Variants in OTOF observed in about 807,000 individuals in gnomAD.
The protein encoded by OTOF is fer-1-like family member 2.
OTOF carries 218 observed loss-of-function variants against 236.8 expected under a neutral mutation model. The ratio of observed to expected loss-of-function variants is 0.92; its 90% CI spans 0.82 to 1.03. OTOF has a LOEUF of 1.03. Ranked by LOEUF, OTOF falls within the 50% of genes least tolerant of loss-of-function variation. The probability of loss-of-function intolerance (pLI) is 0.00; values close to 1 mark genes in which losing one functional copy is unlikely to be tolerated. For missense variants in OTOF, 2,590 were observed against 2,694.4 expected (o/e 0.96, Z 0.86); for synonymous variants, 1,041 against 1,072.5 (o/e 0.97, Z 0.57).
rs11687696 is a variant in OTOF, at chr2:26,516,555, T to C, written c.372A>G (p.Thr124=). 462,346 of 1,611,062 alleles carry C rather than the reference T, an allele frequency of 0.29. 70,420 individuals carry two copies. Among genetic ancestry groups the C allele is most frequent in the East Asian group, 0.47 (21,222 of 44,844 alleles). ...VEVRYQATDG[T]VGSWDDGDFL... is the part of the protein sequence containing the mutation. ...AGTCCCCATCGTCCCAGGAGCCCACTGTGCCGTCAGTGGCCTGATACCGGA... is the reference window on the plus strand; with the variant it reads ...AGTCCCCATCGTCCCAGGAGCCCACCGTGCCGTCAGTGGCCTGATACCGGA... The change falls in exon 5 of 47, where the codon ACA becomes ACG. Residue 124 remains threonine (T), a synonymous_variant. Coordinates refer to ENST00000272371, the MANE Select transcript of OTOF (RefSeq NM_194248.3).
intron 11 of OTOF, 77 bp from the exon 12 acceptor site, chr2:26,484,710 G>T: frequency 6.6e-7 from 1 of 1,507,574 alleles, no homozygotes; most frequent in Non-Finnish European, 9.1e-7. Flanking sequence ...CAGGCCAAGG[G>T]GTGGCAGAAC....
At position 26,479,307 on chromosome 2, in the gene OTOF, C is replaced by T. The variant is rs550283736; in HGVS notation, c.2171G>A (p.Arg724His). The T allele has an allele frequency of 5.1e-5, 82 of 1,612,066 alleles. 1 individual carries two copies. Among genetic ancestry groups the T allele is most frequent in the Non-Finnish European group, 5.5e-5 (65 of 1,179,786 alleles). The change falls in exon 18 of 47, where the codon CGC (arginine) becomes CAC (histidine). Residue 724 changes from arginine to histidine, a missense_variant. By Grantham distance (29) the Arg-to-His change is conservative. Transcript: ENST00000272371. ...IKSWWPDQRR[R>H]LYNANIMDHI... Reference sequence around the variant, plus strand: ...GTCCATGATGTTGGCATTGTAGAGGCGGCGGCGCTGGTCCGGCCACCAGCT... The same window carrying T: ...GTCCATGATGTTGGCATTGTAGAGGTGGCGGCGCTGGTCCGGCCACCAGCT...
chr2:26,537,258 G>A (rs1667093424), intron 2 of OTOF, among the ~76,000 whole-genome samples: 2 of 152,182 alleles, frequency 1.3e-5, no homozygotes, highest in Admixed American at 6.5e-5. Context: ...ATGTTTCCCT[G>A]GTGACTGGGG....
chr2:26,462,123 A>C lies in OTOF; in HGVS notation c.5251T>G (p.Phe1751Val), dbSNP rs1664495274. Reference protein sequence around the residue: ...TDEVVLEDDDFFTGEKSSDIF... With the variant: ...TDEVVLEDDDVFTGEKSSDIF... ...TCACTGGACTTCTCCCCTGTGAAGAAGTCGTCGTCCTCCAAGACCACCTCA... is the reference window on the plus strand; with the variant it reads ...TCACTGGACTTCTCCCCTGTGAAGACGTCGTCGTCCTCCAAGACCACCTCA... The change falls in exon 42 of 47, where the codon TTC (phenylalanine) becomes GTC (valine). Residue 1751 changes from phenylalanine to valine, a missense_variant. Physicochemically the swap from Phe to Val is conservative, Grantham distance 50. This residue lies in a region of OTOF where 1,211 missense variants were observed against 1,352.8 expected (regional missense o/e 0.90). Coordinates refer to ENST00000272371, the MANE Select transcript of OTOF (RefSeq NM_194248.3). The surrounding 1 kb of genome is among the most constrained non-coding windows in gnomAD (Gnocchi z 4.7). 1 of 1,614,030 alleles carries C rather than the reference A, an allele frequency of 6.2e-7. No individual in the cohort carries two copies.
At chr2:26,464,727 T>C in intron 39 of OTOF, 142 bp downstream of exon 39, 1 of 758,172 alleles carries the variant, frequency 1.3e-6, no homozygotes, top group Non-Finnish European at 2.0e-6. Flanking sequence ...TCTGGGGTGA[T>C]GAGCAGAGGG....
At chr2:26,525,951 G>A (rs1432866051) in intron 3 of OTOF, among the ~76,000 whole-genome samples, 4 of 152,048 alleles carry the variant, frequency 2.6e-5, no homozygotes, top group Non-Finnish European at 5.9e-5. Context: ...GCTGGGCACG[G>A]TGGTGAGCAC....
At position 26,467,355 on chromosome 2, in the gene OTOF, AG is replaced by A. The variant is rs749027111; in HGVS notation, c.4227+9del. ...ACACACCCTAGAAGGGTCTGCTCCT[AG>A]GCTCTCACCTTAAGCTCATCAATCT... On this transcript the variant is annotated intron_variant, in intron 34 of 46. Transcript: ENST00000272371. 1.2e-6 allele frequency: 2 copies of A among 1,612,696 alleles called. No individual in the cohort carries two copies. The highest frequency in any genetic ancestry group is 1.7e-6 in the Non-Finnish European group (2 of 1,179,748).
At chr2:26,501,613 T>C (rs1199395387) in intron 8 of OTOF, 141 bp downstream of exon 8, 1 of 668,102 alleles carries the variant, frequency 1.5e-6, no homozygotes, top group Non-Finnish European at 2.8e-6. Flanking sequence ...GGAACAAGCT[T>C]ACTTTGGGAA....
At chr2:26,466,467 G>A in intron 36 of OTOF, 1 of 548,054 alleles carries the variant, frequency 1.8e-6, no homozygotes, top group South Asian at 1.9e-5. Context: ...CTCCTCAGTA[G>A]CTGGGATTAC....
At chr2:26,465,894 T>C in intron 37 of OTOF, 52 bp from the exon 38 acceptor site, 1 of 1,613,610 alleles carries the variant, frequency 6.2e-7, no homozygotes, top group Non-Finnish European at 8.5e-7. Flanking sequence ...GGGTGGGAGG[T>C]GTTCTGGGTT....
intron 2 of OTOF, among the ~76,000 whole-genome samples, chr2:26,533,017 G>T (rs982421567): frequency 6.6e-6 from 1 of 152,172 alleles, no homozygotes; most frequent in Non-Finnish European, 1.5e-5. Flanking sequence ...CCAGTCCATG[G>T]CCTGTTAGGA....
Position 26,477,660 on chromosome 2 carries a change from G to C in OTOF, c.2304C>G (p.Ser768Arg), listed in dbSNP as rs1454913926. The C allele has an allele frequency of 6.2e-7, 1 of 1,612,414 alleles. No individual in the cohort carries two copies. Among genetic ancestry groups the C allele is most frequent in the Admixed American group, 1.7e-5 (1 of 60,020 alleles). Residue 768 changes from serine (S) to arginine (R), a missense_variant, in exon 19 of 47, where the codon AGC becomes AGG. Ser to Arg is a moderately radical substitution (Grantham distance 110). Transcript: ENST00000272371. The surrounding 1 kb of genome is among the most constrained non-coding windows in gnomAD (Gnocchi z 4.7). The stretch of plus-strand genomic sequence containing the variant: ...CCCTCCCTTCTCACCAGCAGCCACA[G>C]CTCAGCTCCTCCAGGACGCCCCGCA... Reference protein sequence around the residue: ...RRLRGVLEELSCGCCRFLSLA... With the variant: ...RRLRGVLEELRCGCCRFLSLA...
intron 5 of OTOF, among the ~76,000 whole-genome samples, chr2:26,505,477 A>G (rs182502535): frequency 2.5e-4 from 38 of 152,304 alleles, no homozygotes; most frequent in South Asian, 8.3e-4. Flanking sequence ...GAGACTACAT[A>G]GGGCCAAAGG....
chr2:26,523,000 C>T (rs557201744), intron 3 of OTOF, among the ~76,000 whole-genome samples: 1 of 152,254 alleles, frequency 6.6e-6, no homozygotes, highest in East Asian at 1.9e-4. Flanking sequence ...CCCAGATGGG[C>T]CCACAGACTG....
At position 26,476,991 on chromosome 2, in the gene OTOF, C is replaced by T. The variant is rs761627839; in HGVS notation, c.2576G>A (p.Arg859His). 14 of 1,611,526 alleles carry T rather than the reference C, an allele frequency of 8.7e-6. No individual in the cohort carries two copies. The highest frequency in any genetic ancestry group is 4.0e-5 in the African/African-American group (3 of 74,818). The stretch of plus-strand genomic sequence containing the variant: ...GGAGGGCACACGGGCATAGGCGACA[C>T]GCTTGTTGTTGCTCATCATCCAGAT... ...IFIWMMSNNK[R>H]VAYARVPSKD... Residue 859 changes from arginine (R) to histidine (H), a missense_variant, in exon 22 of 47, where the codon CGT becomes CAT. Coordinates refer to ENST00000272371, the MANE Select transcript of OTOF (RefSeq NM_194248.3).
chr2:26,467,548 G>T lies in OTOF; in HGVS notation c.4091-47C>A, dbSNP rs191528263. 796 of 1,597,944 alleles carry T rather than the reference G, an allele frequency of 5.0e-4. 3 individuals carry two copies. The African/African-American group carries it at 9.9e-3, about 20-fold the overall frequency. On this transcript the variant is annotated intron_variant, in intron 33 of 46. Transcript: ENST00000272371. ...GGTGGAGCAGAAATGAGCAGAGCAG[G>T]AAGGCCTGGATTCGAGACCCAGCTC...
At chr2:26,539,057 C>T (rs954317484) in intron 1 of OTOF, among the ~76,000 whole-genome samples, 1 of 152,102 alleles carries the variant, frequency 6.6e-6, no homozygotes, top group Non-Finnish European at 1.5e-5. Context: ...AAATGACCCG[C>T]CCACCTTGGT....
At position 26,502,437 on chromosome 2, in the gene OTOF, T is replaced by C; in HGVS notation, c.584-11A>G. The C allele has an allele frequency of 1.2e-6, 2 of 1,611,802 alleles. No homozygotes were observed. Among genetic ancestry groups the C allele is most frequent in the Middle Eastern group, 1.7e-4 (1 of 6,056 alleles). ...GCACCGCCGGTTCATCTGGGGAAGA[T>C]GAAAGACTGGTTAGGTGGGCTGACT... On this transcript the variant is annotated splice_polypyrimidine_tract_variant and intron_variant, in intron 6 of 46. Coordinates refer to ENST00000272371, the MANE Select transcript of OTOF (RefSeq NM_194248.3).
At position 26,516,590 on chromosome 2, in the gene OTOF, A is replaced by G. The variant is rs146615166; in HGVS notation, c.337T>C (p.Cys113Arg). 81 of 1,605,962 alleles carry G rather than the reference A, an allele frequency of 5.0e-5. No individual in the cohort carries two copies. The highest frequency in any genetic ancestry group is 1.0e-4 in the Admixed American group (6 of 59,992). ...DNNAIIKTSL[C>R]VEVRYQATDG... Reference sequence around the variant, plus strand: ...GTGGCCTGATACCGGACCTCCACGCACAGGCTGGTCTGAAGGGAGGGAGGC... The same window carrying G: ...GTGGCCTGATACCGGACCTCCACGCGCAGGCTGGTCTGAAGGGAGGGAGGC... The change falls in exon 5 of 47, where the codon TGC becomes CGC. Residue 113 changes from cysteine to arginine, a missense_variant. Cys to Arg is a radical substitution (Grantham distance 180). This residue lies in a region of OTOF where 1,379 missense variants were observed against 1,341.6 expected (regional missense o/e 1.03). Transcript: ENST00000272371.
Sources: gnomAD v4.1 joint callset for allele counts (sites outside exome capture counted in the v4.1 genomes callset) on GRCh38, gnomAD v4.1.1 for gene constraint, gnomAD v4.1.1 regional missense constraint, Gnocchi (gnomAD v3.1) non-coding constraint, MANE v1.5 for transcripts, NCBI Gene and HGNC (gene_info 2026-07-23, HGNC 2026-07-21) for gene names.